GMEB2: variants seen among roughly 807,000 people sequenced by gnomAD.
The protein encoded by GMEB2 is glucocorticoid modulatory element binding protein 2.
Under a neutral mutation model 45.7 loss-of-function variants are expected in GMEB2, and 7 were observed. The ratio of observed to expected loss-of-function variants is 0.15; its 90% CI spans 0.09 to 0.29. GMEB2 has a LOEUF of 0.29. GMEB2 is among the 10% of genes least tolerant of loss of function. GMEB2 has a pLI of 1.00. For synonymous variants in GMEB2, 322 were observed against 323.6 expected, an observed-to-expected ratio of 1.00 and a Z score of 0.05; for missense variants, 582 against 739.2, an observed-to-expected ratio of 0.79 and a Z score of 2.47.
chr20:63,599,008 C>T (rs1174987676), intron 4 of GMEB2, among the ~76,000 whole-genome samples: 1 of 152,220 alleles, frequency 6.6e-6, no homozygotes, highest in Non-Finnish European at 1.5e-5. Flanking sequence ...TCTTCTCACC[C>T]CAGGTTTTCC....
In GMEB2 at chr20:63,593,781, G is replaced by A. The variant is rs1240237145; in HGVS notation, c.620-699C>T. 2.6e-5 allele frequency among the ~76,000 whole-genome samples: 4 copies of A among 152,206 alleles called. No homozygotes were observed. Among genetic ancestry groups the A allele is most frequent in the African/African-American group, 7.2e-5 (3 of 41,452 alleles). On this transcript the variant is annotated intron_variant, in intron 6 of 9. Coordinates refer to ENST00000370077, the MANE Select transcript of GMEB2 (RefSeq NM_012384.5). The surrounding 1 kb of genome is among the most constrained non-coding windows in gnomAD (Gnocchi z 4.7). ...TCACGCCTGTAATCCAGGCACTTTG[G>A]GAGACTGAGGCGGGTGGATCACCTA...
Position 63,593,316 on chromosome 20 carries a change from C to T in GMEB2, c.620-234G>A, listed in dbSNP as rs780939565. Among the ~76,000 whole-genome samples the T allele has an allele frequency of 6.6e-6, 1 of 152,064 alleles. No individual in the cohort carries two copies. The highest frequency in any genetic ancestry group is 1.5e-5 in the Non-Finnish European group (1 of 68,026). ...AAGGAGAAACAACGCAGAAACAAAT[C>T]CCTTGAACCCGTCACCCAATTTCAG... On this transcript the variant is annotated intron_variant, in intron 6 of 9. Coordinates refer to ENST00000370077, the MANE Select transcript of GMEB2 (RefSeq NM_012384.5). The surrounding 1 kb of genome is among the most constrained non-coding windows in gnomAD (Gnocchi z 4.7).
At chr20:63,615,675 T>G (rs570483642) in intron 2 of GMEB2, among the ~76,000 whole-genome samples, 1 of 152,164 alleles carries the variant, frequency 6.6e-6, no homozygotes, top group Non-Finnish European at 1.5e-5. Flanking sequence ...GAGATGAAAA[T>G]TCATCAACAT....
Position 63,619,228 on chromosome 20 carries a change from GC to G in GMEB2, c.131+38del. 1 of 1,538,014 alleles carries G rather than the reference GC, an allele frequency of 6.5e-7. No individual in the cohort carries two copies. The highest frequency in any genetic ancestry group is 8.8e-7 in the Non-Finnish European group (1 of 1,142,182). On this transcript the variant is annotated intron_variant, in intron 2 of 9. Transcript: ENST00000370077. The surrounding 1 kb of genome is among the most constrained non-coding windows in gnomAD (Gnocchi z 4.6). ...CTGTGCCAAGGACAGCCCAACCCAA[GC>G]CCCCATCAGCCCCAATGGCACCGAG... is the stretch of plus-strand genomic sequence containing the variant.
intron 4 of GMEB2, 92 bp downstream of exon 4, chr20:63,602,873 C>G: frequency 2.6e-6 from 3 of 1,174,514 alleles, no homozygotes; most frequent in Non-Finnish European, 2.5e-6. Flanking sequence ...GGAGACCCTG[C>G]CTCAGGATGC....
chr20:63,597,956 GGA>G, intron 4 of GMEB2, 96 bp from the exon 5 acceptor site: 1 of 761,190 alleles, frequency 1.3e-6, no homozygotes, highest in Non-Finnish European at 2.4e-6. Context: ...GCGCAAGGCA[GGA>G]AAAGCGCCAC....
intron 6 of GMEB2, among the ~76,000 whole-genome samples, chr20:63,594,182 A>G (rs1044320057): frequency 1.3e-5 from 2 of 152,242 alleles, no homozygotes; most frequent in Admixed American, 1.3e-4. Flanking sequence ...CTGGCACAGC[A>G]TCTTTTACTA....
Position 63,592,645 on chromosome 20 carries a change from C to T in GMEB2, c.717G>A (p.Gly239=). The change falls in exon 8 of 10, where the codon GGG becomes GGA. Residue 239 remains glycine (G), a synonymous_variant. Transcript: ENST00000370077. The surrounding 1 kb of genome is among the most constrained non-coding windows in gnomAD (Gnocchi z 8.2). The part of the protein sequence containing the change: ...IGDDTFTFWR[G]LKDAGLLDEV... The stretch of plus-strand genomic sequence containing the variant: ...CGTCCAGCAGGCCGGCGTCCTTCAG[C>T]CCCCGCCAGAAGGTAAATGTGTCAT... 1 of 1,612,350 alleles carries T rather than the reference C, an allele frequency of 6.2e-7. No homozygotes were observed. The highest frequency in any genetic ancestry group is 1.7e-5 in the Admixed American group (1 of 59,994).
At chr20:63,614,570 T>C (rs1173608754) in intron 2 of GMEB2, among the ~76,000 whole-genome samples, 1 of 152,200 alleles carries the variant, frequency 6.6e-6, no homozygotes, top group East Asian at 1.9e-4. Flanking sequence ...CCTCCACCTC[T>C]TGCGGAGGGC....
chr20:63,606,215 GT>G (rs943828143), intron 2 of GMEB2, among the ~76,000 whole-genome samples: 13 of 151,634 alleles, frequency 8.6e-5, no homozygotes, highest in Admixed American at 3.9e-4. Flanking sequence ...AAAAAAATAA[GT>G]TTTTTTTACT....
chr20:63,607,107 C>T (rs1216509519), intron 2 of GMEB2, among the ~76,000 whole-genome samples: 1 of 150,416 alleles, frequency 6.6e-6, no homozygotes. Flanking sequence ...TAACCCACCT[C>T]CATTTCTAGA....
chr20:63,601,310 T>A (rs1469725340), intron 4 of GMEB2, among the ~76,000 whole-genome samples: 1 of 152,180 alleles, frequency 6.6e-6, no homozygotes, highest in Non-Finnish European at 1.5e-5. Context: ...CCACTCTTTC[T>A]CAGTTATGAA....
rs186876378 is a variant in GMEB2 at position 63,610,098 on chromosome 20, G to T, written c.132-5258C>A. Among the ~76,000 whole-genome samples the T allele has an allele frequency of 2.0e-5, 3 of 152,360 alleles. No homozygotes were observed. In the East Asian group the frequency reaches 5.8e-4, roughly 29 times the overall value. On this transcript the variant is annotated intron_variant, in intron 2 of 9. Coordinates refer to ENST00000370077, the MANE Select transcript of GMEB2 (RefSeq NM_012384.5). ...AGTCTCCAGTTTCTGGAACCCGTGC[G>T]GGCAGCTGCCTCTGGGGAGATGATG...
At chr20:63,626,492 G>C (rs200438940) in intron 1 of GMEB2, among the ~76,000 whole-genome samples, 1 of 56,186 alleles carries the variant, frequency 1.8e-5, no homozygotes, top group Non-Finnish European at 5.0e-5. Flanking sequence ...CTTGTGGGTC[G>C]CGTCCCTGTG....
chr20:63,599,950 C>G (rs2083229694), intron 4 of GMEB2, among the ~76,000 whole-genome samples: 1 of 152,126 alleles, frequency 6.6e-6, no homozygotes, highest in Non-Finnish European at 1.5e-5. Flanking sequence ...CAGAACAACT[C>G]GCATCAGGAA....
chr20:63,591,277 G>A (rs547844223), intron 9 of GMEB2, among the ~76,000 whole-genome samples: 1 of 152,110 alleles, frequency 6.6e-6, no homozygotes, highest in South Asian at 2.1e-4. Flanking sequence ...CACACACACT[G>A]AACACAGTGA....
At chr20:63,606,502 C>T (rs1473422185) in intron 2 of GMEB2, among the ~76,000 whole-genome samples, 1 of 152,118 alleles carries the variant, frequency 6.6e-6, no homozygotes, top group African/African-American at 2.4e-5. Context: ...CGCCCGCCAC[C>T]ATGCCTGGCT....
chr20:63,603,913 G>A (rs2089497245), intron 3 of GMEB2, among the ~76,000 whole-genome samples: 1 of 151,770 alleles, frequency 6.6e-6, no homozygotes, highest in African/African-American at 2.4e-5. Flanking sequence ...AATTAGCTGG[G>A]CATGGTGGCA....
rs991182868 is a variant in GMEB2 at position 63,619,702 on chromosome 20, C to T, written c.-57-248G>A. ...CTTGGGTAGAAAGCACAGAGCCACT[C>T]CCTCCACGTGGGGCTCAGAGCAGGA... On this transcript the variant is annotated intron_variant, in intron 1 of 9. Coordinates refer to ENST00000370077, the MANE Select transcript of GMEB2 (RefSeq NM_012384.5). This position sits in a 1 kb window ranked among gnomAD's most constrained non-coding sequence, Gnocchi z 4.6. 2 of 218,352 alleles carry T rather than the reference C, an allele frequency of 9.2e-6. No individual in the cohort carries two copies. Among genetic ancestry groups the T allele is most frequent in the East Asian group, 1.3e-4 (1 of 7,644 alleles). The allele number at this position is 218,352 out of a possible 1,614,324, so 13.5% of individuals were successfully genotyped here.
Sources: allele counts gnomAD v4.1 joint callset (sites outside exome capture counted in the v4.1 genomes callset), GRCh38; gene constraint gnomAD v4.1.1; non-coding constraint Gnocchi (gnomAD v3.1); transcripts MANE v1.5; gene names NCBI Gene and HGNC (gene_info 2026-07-23, HGNC 2026-07-21).